MPRIP: variants seen among roughly 807,000 people sequenced by gnomAD.
MPRIP encodes the protein myosin phosphatase Rho-interacting protein.
Under a neutral mutation model 234.9 loss-of-function variants are expected in MPRIP, and 59 were observed. That is an observed-to-expected ratio of 0.25 (90% confidence interval 0.20 to 0.31). MPRIP has a LOEUF of 0.31. MPRIP is among the 10% of genes least tolerant of loss of function. The probability of loss-of-function intolerance (pLI) is 1.00; values close to 1 mark genes in which losing one functional copy is unlikely to be tolerated. For missense variants in MPRIP, 2,436 were observed against 3,071.0 expected, an observed-to-expected ratio of 0.79 and a Z score of 4.89; for synonymous variants, 1,144 against 1,263.9, an observed-to-expected ratio of 0.91 and a Z score of 2.01.
chr17:17,089,958 G>A (rs993467648), intron 3 of MPRIP, among the ~76,000 whole-genome samples: 8 of 152,166 alleles, frequency 5.3e-5, no homozygotes, highest in African/African-American at 1.4e-4. Context: ...TCAAGTCAGC[G>A]TGGAAGCTGA....
intron 5 of MPRIP, among the ~76,000 whole-genome samples, chr17:17,134,321 G>T (rs1401395370): frequency 1.3e-5 from 2 of 152,162 alleles, no homozygotes; most frequent in Non-Finnish European, 2.9e-5. Context: ...GGCAGTTAGG[G>T]TGGTTCTGCC....
chr17:17,099,948 A>G (rs1020792900), intron 3 of MPRIP, among the ~76,000 whole-genome samples: 2 of 152,214 alleles, frequency 1.3e-5, no homozygotes, highest in Non-Finnish European at 2.9e-5. Flanking sequence ...GATGTTTTCC[A>G]GGAAGAATCA....
chr17:17,165,080 G>A lies in MPRIP; in HGVS notation c.3489G>A (p.Leu1163=). The A allele has an allele frequency of 1.5e-6, 2 of 1,303,448 alleles. No homozygotes were observed. The highest frequency in any genetic ancestry group is 2.0e-6 in the Non-Finnish European group (2 of 988,974). The allele number at this position is 1,303,448 out of a possible 1,614,324, so 80.7% of individuals were successfully genotyped here. The part of the protein sequence containing the change: ...SSQLQSMHTL[L]REKEEELERI... ...AGCTGCAGAGCATGCACACTCTGCT[G>A]AGAGAGAAGGAGGAAGAGCTGGAGC... Residue 1163 remains leucine, a synonymous_variant, in exon 16 of 24, where the codon CTG becomes CTA. Coordinates refer to ENST00000651222, the MANE Select transcript of MPRIP (RefSeq NM_001364716.4).
chr17:17,059,618 C>T (rs553841123), intron 1 of MPRIP, among the ~76,000 whole-genome samples: 5 of 152,362 alleles, frequency 3.3e-5, no homozygotes, highest in East Asian at 3.9e-4. Flanking sequence ...CACACTCCTC[C>T]CCTTTGCTCC....
chr17:17,159,117 G>C, intron 14 of MPRIP, 115 bp downstream of exon 14: 1 of 1,093,724 alleles, frequency 9.1e-7, no homozygotes, highest in Non-Finnish European at 1.3e-6. Context: ...CGAGGGACTT[G>C]CAGACCCCTA....
chr17:17,150,173 G>A lies in MPRIP; in HGVS notation c.1659G>A (p.Leu553=). 1 of 1,613,700 alleles carries A rather than the reference G, an allele frequency of 6.2e-7. No individual in the cohort carries two copies. The highest frequency in any genetic ancestry group is 1.1e-5 in the South Asian group (1 of 91,016). ...CCGACTTGGATGGAGAAATTGACTT[G>A]TCCGCATGTTACGATGTCACAGAGT... The part of the protein sequence containing the change: ...EAADLDGEID[L]SACYDVTEYP... Residue 553 remains leucine (L), a synonymous_variant, in exon 12 of 24, where the codon TTG becomes TTA. Transcript: ENST00000651222.
At chr17:17,140,950 T>G (rs2090802634) in intron 7 of MPRIP, among the ~76,000 whole-genome samples, 1 of 152,164 alleles carries the variant, frequency 6.6e-6, no homozygotes. Context: ...CACCTGCAGC[T>G]TCCAGGGCAC....
chr17:17,176,330 T>G, intron 20 of MPRIP, 96 bp from the exon 21 acceptor site: 1 of 902,400 alleles, frequency 1.1e-6, no homozygotes, highest in Non-Finnish European at 1.8e-6. Flanking sequence ...TGCTCACTGG[T>G]GATTGGAGAG....
In MPRIP at chr17:17,110,806, A is replaced by G. The variant is rs573319952; in HGVS notation, c.268-15896A>G. Among the ~76,000 whole-genome samples, 9 of 152,308 alleles carry G rather than the reference A, an allele frequency of 5.9e-5. No homozygotes were observed. The East Asian group carries it at 1.5e-3, about 26-fold the overall frequency. Reference sequence around the variant, plus strand: ...TGATCAGCACTCCTCAAAACCATCAAGGTCACCCAAAACACAGAAGGTCTG... The same window carrying G: ...TGATCAGCACTCCTCAAAACCATCAGGGTCACCCAAAACACAGAAGGTCTG... On this transcript the variant is annotated intron_variant, in intron 3 of 23. Coordinates refer to ENST00000651222, the MANE Select transcript of MPRIP (RefSeq NM_001364716.4).
At position 17,190,680 on chromosome 17, in the gene MPRIP, G is replaced by A. The variant is rs752443526; in HGVS notation, c.*5786G>A. 7.2e-5 allele frequency: 11 copies of A among 152,168 alleles called. No homozygotes were observed. Among genetic ancestry groups the A allele is most frequent in the Non-Finnish European group, 1.6e-4 (11 of 68,018 alleles). The allele number at this position is 152,168 out of a possible 1,614,324, so 9.4% of individuals were successfully genotyped here. ...TCTGAAATCCTTCAACAAAAGAAAA[G>A]GCTCTTGGCAGGGTAGGGGAGTCAG... On this transcript the variant is annotated 3_prime_UTR_variant, in exon 24 of 24. Coordinates refer to ENST00000651222, the MANE Select transcript of MPRIP (RefSeq NM_001364716.4).
chr17:17,087,587 C>T (rs976169068), intron 3 of MPRIP, among the ~76,000 whole-genome samples: 24 of 152,210 alleles, frequency 1.6e-4, no homozygotes, highest in African/African-American at 5.1e-4. Flanking sequence ...CCTGGCCAGA[C>T]GCGAGTCCTC....
At position 17,161,369 on chromosome 17, in the gene MPRIP, G is replaced by C; in HGVS notation, c.2517+13G>C. The C allele has an allele frequency of 6.5e-7, 1 of 1,539,734 alleles. No individual in the cohort carries two copies. On this transcript the variant is annotated intron_variant, in intron 15 of 23. Transcript: ENST00000651222. ...CTACGTGCTGCAGGTAGGGTGGAGG[G>C]GCTGCTGTGGCCCATGGTGCGCTCA...
chr17:17,074,485 C>A (rs891303210), intron 1 of MPRIP, among the ~76,000 whole-genome samples: 3 of 152,190 alleles, frequency 2.0e-5, no homozygotes, highest in African/African-American at 7.2e-5. Flanking sequence ...TTAAGTTGAG[C>A]TATAATTCAC....
chr17:17,158,694 G>A lies in MPRIP; in HGVS notation c.2092G>A (p.Glu698Lys). The A allele has an allele frequency of 6.2e-7, 1 of 1,609,204 alleles. No individual in the cohort carries two copies. Among genetic ancestry groups the A allele is most frequent in the Non-Finnish European group, 8.5e-7 (1 of 1,179,134 alleles). Reference protein sequence around the residue: ...EPLRPEAEPGELERERARRRE... With the variant: ...EPLRPEAEPGKLERERARRRE... ...CCTGCGCCCTGAGGCGGAGCCTGGG[G>A]AGCTGGAGCGGGAGCGTGCACGGAG... Residue 698 changes from glutamate (E) to lysine (K), a missense_variant, in exon 14 of 24, where the codon GAG becomes AAG. This residue lies in a region of MPRIP where 1,998 missense variants were observed against 2,520.3 expected (regional missense o/e 0.79). Coordinates refer to ENST00000651222, the MANE Select transcript of MPRIP (RefSeq NM_001364716.4).
At chr17:17,142,547 C>T (rs3744138) in intron 7 of MPRIP, 80 bp from the exon 8 acceptor site, 785,287 of 1,528,208 alleles carry the variant, frequency 0.51, 209,836 homozygotes, top group East Asian at 0.66. Context: ...CGGGCCAGGC[C>T]GGGCATGGGA....
At chr17:17,131,527 T>TCTA in intron 4 of MPRIP, 90 bp from the exon 5 acceptor site, 2 of 1,068,406 alleles carry the variant, frequency 1.9e-6, no homozygotes, top group Admixed American at 3.6e-5. Flanking sequence ...AATGCCCTGC[T>TCTA]CTACTCCTGG....
chr17:17,078,464 C>T lies in MPRIP; in HGVS notation c.267+388C>T, dbSNP rs1339357589. 6.6e-6 allele frequency among the ~76,000 whole-genome samples: 1 copy of T among 152,210 alleles called. No homozygotes were observed. Among genetic ancestry groups the T allele is most frequent in the Non-Finnish European group, 1.5e-5 (1 of 68,042 alleles). On this transcript the variant is annotated intron_variant, in intron 3 of 23. Transcript: ENST00000651222. The surrounding 1 kb of genome is among the most constrained non-coding windows in gnomAD (Gnocchi z 4.3). The stretch of plus-strand genomic sequence containing the variant: ...GCCCTGGGGCTGGCACATGTGCTCA[C>T]GCACCTAGTCCTGGGGTTGCCTGTC...
At position 17,058,780 on chromosome 17, in the gene MPRIP, G is replaced by A. The variant is rs115104423; in HGVS notation, c.123+15809G>A. Among the ~76,000 whole-genome samples the A allele has an allele frequency of 3.3e-3, 502 of 152,332 alleles. 3 individuals are homozygous for A. Among genetic ancestry groups the A allele is most frequent in the African/African-American group, 0.012 (487 of 41,560 alleles). The stretch of plus-strand genomic sequence containing the variant: ...GGGTTAGATGTCGCCTTTTAAGGCA[G>A]TGCTGTTGGATAGAAAGGACTCTTG... On this transcript the variant is annotated intron_variant, in intron 1 of 23. Transcript: ENST00000651222.
chr17:17,045,897 C>T (rs529055326), intron 1 of MPRIP, among the ~76,000 whole-genome samples: 1 of 151,954 alleles, frequency 6.6e-6, no homozygotes, highest in African/African-American at 2.4e-5. Flanking sequence ...GCTACGCCTC[C>T]CAGGTTCATG....
Sources: gnomAD v4.1 joint callset for allele counts (sites outside exome capture counted in the v4.1 genomes callset) on GRCh38, gnomAD v4.1.1 for gene constraint, gnomAD v4.1.1 regional missense constraint, Gnocchi (gnomAD v3.1) non-coding constraint, MANE v1.5 for transcripts, NCBI Gene and HGNC (gene_info 2026-07-23, HGNC 2026-07-21) for gene names.